The following WDFY3 variants were observed in gnomAD, a reference collection of about 807,000 sequenced individuals.
WDFY3 encodes the protein WD repeat and FYVE domain-containing protein 3.
WDFY3 carries 66 observed loss-of-function variants against 409.6 expected under a neutral mutation model. That is an observed-to-expected ratio of 0.16 (90% CI 0.13 to 0.20). The LOEUF (loss-of-function observed/expected upper bound fraction) is 0.20. Ranked by LOEUF, WDFY3 falls within the 10% of genes least tolerant of loss-of-function variation. The pLI, the probability that WDFY3 is intolerant of heterozygous loss-of-function variation, is 1.00. For missense variants in WDFY3, 3,031 were observed against 4,298.1 expected (o/e 0.71, Z 8.24); for synonymous variants, 1,521 against 1,537.1 (o/e 0.99, Z 0.25).
intron 2 of WDFY3, among the ~76,000 whole-genome samples, chr4:84,921,291 T>C (rs1769234949): frequency 6.7e-6 from 1 of 149,566 alleles, no homozygotes; most frequent in African/African-American, 2.5e-5. Context: ...GGAAAGGTAA[T>C]TAAAAGCATA....
intron 4 of WDFY3, among the ~76,000 whole-genome samples, chr4:84,850,754 A>T (rs1420445814): frequency 6.6e-6 from 1 of 152,040 alleles, no homozygotes; most frequent in East Asian, 1.9e-4. Flanking sequence ...CACTAAACTC[A>T]TTTCATGTCT....
At chr4:84,712,721 A>G (rs1246086100) in intron 51 of WDFY3, among the ~76,000 whole-genome samples, 3 of 152,190 alleles carry the variant, frequency 2.0e-5, no homozygotes, top group Non-Finnish European at 1.5e-5. Flanking sequence ...TCTCTTAACA[A>G]TAATTAAAAA....
intron 1 of WDFY3, among the ~76,000 whole-genome samples, chr4:84,940,640 T>A (rs1348196420): frequency 1.3e-5 from 2 of 151,858 alleles, no homozygotes; most frequent in Non-Finnish European, 2.9e-5. Flanking sequence ...ACCAGCACAA[T>A]CCAGATTGAA....
At chr4:84,890,028 G>A (rs1764728147) in intron 3 of WDFY3, among the ~76,000 whole-genome samples, 3 of 152,070 alleles carry the variant, frequency 2.0e-5, no homozygotes, top group African/African-American at 7.2e-5. Flanking sequence ...AAATAAGCAA[G>A]GTTTCCACAG....
Position 84,678,346 on chromosome 4 carries a change from T to G in WDFY3, c.10148-67A>C, listed in dbSNP as rs1726722140. ...AGAAGCCAATACTGGGGAGAACTAC[T>G]CTAAGATGGTGGCCTTAAACTTAGG... On this transcript the variant is annotated intron_variant, in intron 65 of 67. Coordinates refer to ENST00000295888, the MANE Select transcript of WDFY3 (RefSeq NM_014991.6). The G allele has an allele frequency of 4.2e-6, 5 of 1,191,930 alleles. 1 individual carries two copies. In the South Asian group the frequency reaches 4.9e-5, roughly 12 times the overall value. The allele number at this position is 1,191,930 out of a possible 1,614,324, so 73.8% of individuals were successfully genotyped here. A position where few individuals can be genotyped will look rare whatever the true frequency, so the allele number is the denominator to read the frequency against.
chr4:84,809,769 A>G, intron 14 of WDFY3, 118 bp downstream of exon 14: 1 of 942,952 alleles, frequency 1.1e-6, no homozygotes, highest in South Asian at 1.8e-5. Context: ...ACTTCAAACA[A>G]ATAGGAGAAG....
rs371525349 is a variant in WDFY3 at position 84,691,801 on chromosome 4, C to G, written c.9050-16G>C. 69 of 1,602,894 alleles carry G rather than the reference C, an allele frequency of 4.3e-5. No homozygotes were observed. Among genetic ancestry groups the G allele is most frequent in the Admixed American group, 3.6e-4 (21 of 58,888 alleles). On this transcript the variant is annotated splice_polypyrimidine_tract_variant and intron_variant, in intron 59 of 67. Transcript: ENST00000295888. ...TCTTTGAGTTCTAGAAAAAAGAAAT[C>G]ATGGTATTAGGACAGGAACAGGAAA...
At chr4:84,856,287 T>C (rs554830387) in intron 4 of WDFY3, among the ~76,000 whole-genome samples, 28 of 152,128 alleles carry the variant, frequency 1.8e-4, no homozygotes, top group African/African-American at 6.7e-4. Context: ...ATAAGGGGAG[T>C]TTCTTACAAA....
intron 2 of WDFY3, among the ~76,000 whole-genome samples, chr4:84,904,837 C>G (rs1766815923): frequency 6.6e-6 from 1 of 152,232 alleles, no homozygotes; most frequent in African/African-American, 2.4e-5. Context: ...TGGTCACTTA[C>G]AGATGTCACA....
rs183973040 is a variant in WDFY3, at chr4:84,830,541, C to A, written c.769+872G>T. Among the ~76,000 whole-genome samples, 3 of 152,270 alleles carry A rather than the reference C, an allele frequency of 2.0e-5. No homozygotes were observed. In the East Asian group the frequency reaches 5.8e-4, roughly 29 times the overall value. On this transcript the variant is annotated intron_variant, in intron 8 of 67. Transcript: ENST00000295888. ...TTATGATGGGTTTATTGGGACATAA[C>A]CCCACCATAAATTGAGGAGCATCTG...
rs969233085 is a variant in WDFY3 at position 84,670,044 on chromosome 4, A to G, written c.*2824T>C. 2.0e-5 allele frequency: 3 copies of G among 152,678 alleles called. No individual in the cohort carries two copies. The highest frequency in any genetic ancestry group is 4.4e-5 in the Non-Finnish European group (3 of 68,052). 9.5% of individuals were successfully genotyped at this position (152,678 alleles called of 1,614,324 possible). A position where few individuals can be genotyped will look rare whatever the true frequency, so the allele number is the denominator to read the frequency against. ...TGTATTTAAATGATACAAAGCAAAA[A>G]TAAGTTTCTACCAACTTTATACATA... On this transcript the variant is annotated 3_prime_UTR_variant, in exon 68 of 68. Transcript: ENST00000295888.
At chr4:84,805,152 G>A (rs1403955540) in intron 15 of WDFY3, among the ~76,000 whole-genome samples, 6 of 152,110 alleles carry the variant, frequency 3.9e-5, no homozygotes, top group African/African-American at 1.4e-4. Context: ...TGTATAAGAT[G>A]TATATGCAAC....
At chr4:84,949,970 T>A (rs1773391006) in intron 1 of WDFY3, among the ~76,000 whole-genome samples, 1 of 152,202 alleles carries the variant, frequency 6.6e-6, no homozygotes. Flanking sequence ...GCAGCACTAT[T>A]CACAATAGCA....
intron 50 of WDFY3, among the ~76,000 whole-genome samples, 198 bp from the exon 51 acceptor site, chr4:84,713,437 G>A (rs1733285776): frequency 6.6e-6 from 1 of 152,046 alleles, no homozygotes; most frequent in Non-Finnish European, 1.5e-5. Context: ...GAAAACAATA[G>A]CACCTTTAGA....
chr4:84,735,605 C>T (rs371308662), intron 42 of WDFY3, among the ~76,000 whole-genome samples: 20 of 152,130 alleles, frequency 1.3e-4, no homozygotes, highest in African/African-American at 4.8e-4. Flanking sequence ...CCAAGGGCAC[C>T]CCCTAATATA....
intron 11 of WDFY3, 35 bp from the exon 12 acceptor site, chr4:84,820,221 T>C (rs1307210988): frequency 1.3e-6 from 2 of 1,511,852 alleles, no homozygotes; most frequent in Non-Finnish European, 9.0e-7. Flanking sequence ...ATTACAAAAG[T>C]GATAAGCTTA....
rs111487423 is a variant in WDFY3, at chr4:84,821,118, C to T, written c.1557G>A (p.Leu519=). 2.6e-5 allele frequency: 42 copies of T among 1,612,918 alleles called. No homozygotes were observed. In the African/African-American group the frequency reaches 3.5e-4, roughly 13 times the overall value. ...MVNLLHKYAA[L]LKDPTQALNE... is the part of the protein sequence containing the mutation. ...TTAGTGCCTGAGTTGGATCCTTCAACAGGGCAGCATATTTATGCAAAAGGT... is the reference window on the plus strand; with the variant it reads ...TTAGTGCCTGAGTTGGATCCTTCAATAGGGCAGCATATTTATGCAAAAGGT... Residue 519 remains leucine (L), a synonymous_variant, in exon 11 of 68, where the codon CTG becomes CTA. Transcript: ENST00000295888.
chr4:84,712,373 T>TAAAAAAAAAAAAAA (rs998951453), intron 51 of WDFY3, among the ~76,000 whole-genome samples: 2 of 75,050 alleles, frequency 2.7e-5, no homozygotes, highest in African/African-American at 5.0e-5. Flanking sequence ...AGAAAAAAAT[T>TAAAAAAAAAAAAAA]AAAAAAAAAA....
chr4:84,870,995 G>C (rs1762061037), intron 3 of WDFY3, among the ~76,000 whole-genome samples: 1 of 152,008 alleles, frequency 6.6e-6, no homozygotes, highest in South Asian at 2.1e-4. Flanking sequence ...TCAGTGAGTT[G>C]AAGATAGGTC....
Sources: gnomAD v4.1 joint callset for allele counts (sites outside exome capture counted in the v4.1 genomes callset) on GRCh38, gnomAD v4.1.1 for gene constraint, MANE v1.5 for transcripts, NCBI Gene and HGNC (gene_info 2026-07-23, HGNC 2026-07-21) for gene names.